MACROD2: variants seen among roughly 807,000 people sequenced by gnomAD.
MACROD2 encodes the protein ADP-ribose glycohydrolase MACROD2.
Under a neutral mutation model 70.4 loss-of-function variants are expected in MACROD2, and 36 were observed. That is an observed-to-expected ratio of 0.51 (90% confidence interval 0.39 to 0.68). The LOEUF is 0.68. Among genes scored for constraint, MACROD2 ranks in the 30% least tolerant of loss-of-function variants. The pLI is 0.00. For synonymous variants in MACROD2, 172 were observed against 178.8 expected (o/e 0.96, Z 0.30); for missense variants, 496 against 538.4 (o/e 0.92, Z 0.78).
chr20:14,469,062 G>T (rs140046728), intron 3 of MACROD2, among the ~76,000 whole-genome samples: 1 of 152,168 alleles, frequency 6.6e-6, no homozygotes, highest in African/African-American at 2.4e-5. Flanking sequence ...GCAGTGGCTG[G>T]TATCGGTTTT....
intron 4 of MACROD2, among the ~76,000 whole-genome samples, chr20:14,524,836 A>C (rs2123187142): frequency 6.6e-6 from 1 of 152,214 alleles, no homozygotes; most frequent in Admixed American, 6.5e-5. Context: ...CGGAGTCTCA[A>C]ATCAGAGCCC....
chr20:16,020,755 G>A (rs758474845), intron 15 of MACROD2, among the ~76,000 whole-genome samples: 9 of 151,858 alleles, frequency 5.9e-5, no homozygotes, highest in Non-Finnish European at 1.2e-4. Flanking sequence ...ATGCAGCCAC[G>A]TACAAGTGGG....
At chr20:15,101,904 C>T (rs1245131862) in intron 5 of MACROD2, among the ~76,000 whole-genome samples, 1 of 151,900 alleles carries the variant, frequency 6.6e-6, no homozygotes, top group Non-Finnish European at 1.5e-5. Flanking sequence ...TTCGCTTTCT[C>T]CCTTAAGCAA....
intron 3 of MACROD2, among the ~76,000 whole-genome samples, chr20:14,266,955 T>C (rs1297569326): frequency 6.6e-6 from 1 of 152,146 alleles, no homozygotes; most frequent in Non-Finnish European, 1.5e-5. Context: ...GAAAATAAAC[T>C]CAGTTGGAAG....
chr20:15,222,458 T>C (rs1037065291), intron 5 of MACROD2, among the ~76,000 whole-genome samples: 3 of 152,206 alleles, frequency 2.0e-5, no homozygotes, highest in Non-Finnish European at 2.9e-5. Context: ...AGGTCATAGA[T>C]TGGTGGTGCT....
At chr20:15,152,348 A>C (rs1434876926) in intron 5 of MACROD2, among the ~76,000 whole-genome samples, 1 of 151,312 alleles carries the variant, frequency 6.6e-6, no homozygotes, top group East Asian at 1.9e-4. Context: ...CAGAGAAAAG[A>C]GAGTAGAGAC....
At chr20:15,265,352 G>A (rs963536968) in intron 6 of MACROD2, among the ~76,000 whole-genome samples, 1 of 152,184 alleles carries the variant, frequency 6.6e-6, no homozygotes, top group Admixed American at 6.5e-5. Context: ...TTATCTGAAG[G>A]AATGGATGCC....
rs986703142 is a variant in MACROD2, at chr20:14,040,767, G to A, written c.163+38363G>A. Among the ~76,000 whole-genome samples, 10 of 152,200 alleles carry A rather than the reference G, an allele frequency of 6.6e-5. No individual in the cohort carries two copies. In the South Asian group the frequency reaches 2.1e-3, roughly 32 times the overall value. Reference sequence around the variant, plus strand: ...ACAGCTACAGCATCATTAGGCAGTAGGAATTTTTCAGCTTCGTTATGACAT... The same window carrying A: ...ACAGCTACAGCATCATTAGGCAGTAAGAATTTTTCAGCTTCGTTATGACAT... On this transcript the variant is annotated intron_variant, in intron 2 of 17. Coordinates refer to ENST00000684519, the MANE Select transcript of MACROD2 (RefSeq NM_001351661.2).
intron 8 of MACROD2, among the ~76,000 whole-genome samples, chr20:15,516,877 A>T (rs536977327): frequency 6.6e-6 from 1 of 152,292 alleles, no homozygotes; most frequent in East Asian, 1.9e-4. Context: ...GAAATCACAG[A>T]TATTTCCTAT....
chr20:15,109,047 G>A (rs545882263), intron 5 of MACROD2, among the ~76,000 whole-genome samples: 1 of 152,268 alleles, frequency 6.6e-6, no homozygotes. Context: ...TGTTAATAAA[G>A]GTTGATTGAC....
intron 3 of MACROD2, among the ~76,000 whole-genome samples, chr20:14,185,417 C>T (rs1165666565): frequency 6.6e-6 from 1 of 152,028 alleles, no homozygotes; most frequent in East Asian, 1.9e-4. Context: ...CAAACTTAAT[C>T]CCAAATGTTG....
At chr20:14,782,665 C>T (rs907861217) in intron 5 of MACROD2, among the ~76,000 whole-genome samples, 5 of 152,098 alleles carry the variant, frequency 3.3e-5, no homozygotes, top group Admixed American at 6.5e-5. Flanking sequence ...GTTTCAGAGA[C>T]CTCCACAGGG....
intron 8 of MACROD2, among the ~76,000 whole-genome samples, chr20:15,627,640 G>A (rs1024151170): frequency 2.0e-5 from 3 of 152,114 alleles, no homozygotes; most frequent in African/African-American, 7.2e-5. Flanking sequence ...AGCAAGGTTG[G>A]TGGGGGCCAG....
chr20:15,732,657 C>T (rs1418857361), intron 8 of MACROD2, among the ~76,000 whole-genome samples: 1 of 11,898 alleles, frequency 8.4e-5, no homozygotes, highest in Admixed American at 4.0e-4. Context: ...ATAAATTCTA[C>T]TCAGTTGTGT....
intron 3 of MACROD2, among the ~76,000 whole-genome samples, chr20:14,283,605 A>G (rs1394050023): frequency 6.6e-6 from 1 of 152,226 alleles, no homozygotes. Context: ...AATTAAACCC[A>G]CAAAACATGA....
chr20:15,514,607 A>G (rs890942206), intron 8 of MACROD2, among the ~76,000 whole-genome samples: 23 of 152,234 alleles, frequency 1.5e-4, no homozygotes, highest in African/African-American at 4.8e-4. Context: ...CTAATGACAC[A>G]TTTCTCGGAA....
intron 5 of MACROD2, among the ~76,000 whole-genome samples, chr20:14,870,061 C>T (rs930629499): frequency 2.6e-5 from 4 of 152,170 alleles, no homozygotes; most frequent in African/African-American, 9.6e-5. Context: ...GGTATTAAGC[C>T]TAGTGCCCAT....
intron 7 of MACROD2, among the ~76,000 whole-genome samples, chr20:15,453,086 C>T (rs2046665764): frequency 1.3e-5 from 2 of 152,168 alleles, no homozygotes; most frequent in Admixed American, 1.3e-4. Context: ...ACCATGAACA[C>T]AGCATCAGGA....
At chr20:14,477,191 A>G (rs2084604669) in intron 3 of MACROD2, among the ~76,000 whole-genome samples, 2 of 152,208 alleles carry the variant, frequency 1.3e-5, no homozygotes, top group South Asian at 2.1e-4. Context: ...CGAAGAGGGT[A>G]CTATCATGAG....
Sources: allele counts gnomAD v4.1 joint callset (sites outside exome capture counted in the v4.1 genomes callset), GRCh38; gene constraint gnomAD v4.1.1; transcripts MANE v1.5; gene names NCBI Gene and HGNC (gene_info 2026-07-23, HGNC 2026-07-21).